KLHL14: variants seen among roughly 807,000 people sequenced by gnomAD.
The protein encoded by KLHL14 is kelch-like protein 14.
KLHL14 carries 22 observed loss-of-function variants against 64.3 expected under a neutral mutation model. The ratio of observed to expected loss-of-function variants is 0.34; its 90% confidence interval spans 0.24 to 0.49. KLHL14 has a LOEUF of 0.49. Ranked by LOEUF, KLHL14 falls within the 20% of genes least tolerant of loss-of-function variation. The pLI is 0.99. For missense variants in KLHL14, 661 were observed against 789.0 expected (o/e 0.84, Z 1.94); for synonymous variants, 322 against 333.4 (o/e 0.97, Z 0.37).
chr18:32,727,096 A>G (rs1235205994), intron 3 of KLHL14, among the ~76,000 whole-genome samples: 4 of 152,246 alleles, frequency 2.6e-5, no homozygotes, highest in Non-Finnish European at 5.9e-5. Context: ...GCAGCCCGCA[A>G]TAGAATCAGG....
intron 4 of KLHL14, among the ~76,000 whole-genome samples, chr18:32,690,661 G>A (rs1273484952): frequency 6.6e-6 from 1 of 152,096 alleles, no homozygotes; most frequent in Non-Finnish European, 1.5e-5. Flanking sequence ...CCCAGAAGGC[G>A]GAGGTTGCAG....
At chr18:32,731,845 C>A (rs1442628002) in intron 3 of KLHL14, among the ~76,000 whole-genome samples, 1 of 151,994 alleles carries the variant, frequency 6.6e-6, no homozygotes, top group Middle Eastern at 3.2e-3. Flanking sequence ...TTAAAAATAT[C>A]TGAGGGAAAT....
At chr18:32,760,863 C>T (rs537222836) in intron 2 of KLHL14, among the ~76,000 whole-genome samples, 6 of 152,320 alleles carry the variant, frequency 3.9e-5, no homozygotes, top group South Asian at 2.1e-4. Context: ...TGAGAGCTGT[C>T]GAAAATTCTA....
At chr18:32,751,596 C>A (rs1431131819) in intron 2 of KLHL14, among the ~76,000 whole-genome samples, 1 of 152,164 alleles carries the variant, frequency 6.6e-6, no homozygotes, top group African/African-American at 2.4e-5. Context: ...TGACTTTGGG[C>A]TCCTCCTCTT....
At chr18:32,709,745 C>T (rs542398211) in intron 3 of KLHL14, among the ~76,000 whole-genome samples, 38 of 152,244 alleles carry the variant, frequency 2.5e-4, no homozygotes, top group African/African-American at 8.7e-4. Flanking sequence ...GTCTTGCTCA[C>T]CACTGAAATT....
At chr18:32,769,578 C>A (rs530562742) in intron 2 of KLHL14, 67 bp downstream of exon 2, 8 of 532,330 alleles carry the variant, frequency 1.5e-5, no homozygotes, top group Non-Finnish European at 1.4e-5. Flanking sequence ...TCCCTGCCCC[C>A]TCCCCTCCCT....
rs1426159061 is a variant in KLHL14 at position 32,674,566 on chromosome 18, C to T, written c.*91G>A. 7 of 696,010 alleles carry T rather than the reference C, an allele frequency of 1.0e-5. No individual in the cohort carries two copies. The Admixed American group carries it at 1.4e-4, about 14-fold the overall frequency. 43.1% of individuals were successfully genotyped at this position (696,010 alleles called of 1,614,324 possible). A position where few individuals can be genotyped will look rare whatever the true frequency, so the allele number is the denominator to read the frequency against. On this transcript the variant is annotated 3_prime_UTR_variant, in exon 9 of 9. Transcript: ENST00000359358. Reference sequence around the variant, plus strand: ...CCAAGGGTGGGTTTTGGCAGTTGTACCATTAGAATGCATTGTTCCTATTAT... The same window carrying T: ...CCAAGGGTGGGTTTTGGCAGTTGTATCATTAGAATGCATTGTTCCTATTAT...
At chr18:32,702,660 C>G (rs991751052) in intron 3 of KLHL14, among the ~76,000 whole-genome samples, 1 of 152,078 alleles carries the variant, frequency 6.6e-6, no homozygotes, top group Admixed American at 6.6e-5. Context: ...TTTCAAACTA[C>G]AAATAAATGG....
chr18:32,688,249 AC>A (rs1288615838), intron 4 of KLHL14, among the ~76,000 whole-genome samples: 1 of 152,174 alleles, frequency 6.6e-6, no homozygotes, highest in East Asian at 1.9e-4. Context: ...CAAATTCACT[AC>A]AGGACTGAAC....
At chr18:32,676,023 A>G (rs1339022336) in intron 8 of KLHL14, among the ~76,000 whole-genome samples, 1 of 152,232 alleles carries the variant, frequency 6.6e-6, no homozygotes, top group African/African-American at 2.4e-5. Flanking sequence ...AATGTTCATC[A>G]TTTTAAAAGT....
At chr18:32,744,412 G>T (rs535142412) in intron 2 of KLHL14, 4 of 151,694 alleles carry the variant, frequency 2.6e-5, no homozygotes, top group Non-Finnish European at 5.9e-5. Flanking sequence ...AGGAGGCAGA[G>T]GTTGCAGTGG....
chr18:32,760,247 A>T (rs1279128431), intron 2 of KLHL14, among the ~76,000 whole-genome samples: 1 of 152,124 alleles, frequency 6.6e-6, no homozygotes, highest in Non-Finnish European at 1.5e-5. Flanking sequence ...AATAGACTTT[A>T]TCTGATAAAA....
intron 3 of KLHL14, among the ~76,000 whole-genome samples, chr18:32,714,180 C>T (rs1334618714): frequency 6.6e-6 from 1 of 151,988 alleles, no homozygotes; most frequent in Non-Finnish European, 1.5e-5. Flanking sequence ...ATTTGAACTG[C>T]AGTGGTGAAC....
intron 2 of KLHL14, chr18:32,743,643 G>C (rs2050210188): frequency 6.6e-6 from 1 of 152,192 alleles, no homozygotes; most frequent in Non-Finnish European, 1.5e-5. Flanking sequence ...CTCTGAATTT[G>C]AAGTACCTTC....
chr18:32,772,008 G>A, intron 1 of KLHL14: 1 of 219,210 alleles, frequency 4.6e-6, no homozygotes, highest in Non-Finnish European at 9.0e-6. Context: ...GGGAGGCGAG[G>A]CGAAATCGAT....
intron 2 of KLHL14, among the ~76,000 whole-genome samples, chr18:32,759,588 G>C (rs901439950): frequency 6.6e-6 from 1 of 152,150 alleles, no homozygotes; most frequent in Middle Eastern, 3.2e-3. Context: ...ATTACCCAAG[G>C]AGAAGCAGCT....
chr18:32,697,359 C>T (rs2049941912), intron 3 of KLHL14, among the ~76,000 whole-genome samples: 1 of 152,166 alleles, frequency 6.6e-6, no homozygotes, highest in South Asian at 2.1e-4. Flanking sequence ...CAACCTGGTG[C>T]TACTCCAGTT....
chr18:32,714,855 T>C (rs2050037200), intron 3 of KLHL14, among the ~76,000 whole-genome samples: 1 of 150,990 alleles, frequency 6.6e-6, no homozygotes, highest in South Asian at 2.1e-4. Flanking sequence ...AAGGCCAAAA[T>C]TAAGGGCCTC....
chr18:32,762,456 T>G (rs2050319334), intron 2 of KLHL14, among the ~76,000 whole-genome samples: 1 of 152,144 alleles, frequency 6.6e-6, no homozygotes, highest in Admixed American at 6.5e-5. Context: ...CCTTGCATTT[T>G]TCTTACTTCT....
Sources: allele counts gnomAD v4.1 joint callset (sites outside exome capture counted in the v4.1 genomes callset), GRCh38; gene constraint gnomAD v4.1.1; transcripts MANE v1.5; gene names NCBI Gene and HGNC (gene_info 2026-07-23, HGNC 2026-07-21).